The following RELL1 variants were observed in gnomAD, a reference collection of about 807,000 sequenced individuals.
RELL1 encodes the protein RELT-like protein 1.
Under a neutral mutation model 23.0 loss-of-function variants are expected in RELL1, and 10 were observed. The ratio of observed to expected loss-of-function variants is 0.43; its 90% CI spans 0.27 to 0.74. The LOEUF (loss-of-function observed/expected upper bound fraction) is 0.74, where lower values mean the gene tolerates loss of function less well. RELL1 is among the 30% of genes least tolerant of loss of function. The pLI, the probability that RELL1 is intolerant of heterozygous loss-of-function variation, is 0.19. For synonymous variants in RELL1, 146 were observed against 146.8 expected (o/e 0.99, Z 0.04); for missense variants, 315 against 364.4 (o/e 0.86, Z 1.10).
intron 1 of RELL1, among the ~76,000 whole-genome samples, chr4:37,678,572 A>G (rs1334530026): frequency 1.3e-5 from 2 of 152,194 alleles, no homozygotes; most frequent in Non-Finnish European, 2.9e-5. Flanking sequence ...CAGGAGCAAC[A>G]GGTGACAGGA....
chr4:37,600,717 G>C (rs1718992151), intron 6 of RELL1, among the ~76,000 whole-genome samples: 1 of 151,792 alleles, frequency 6.6e-6, no homozygotes, highest in African/African-American at 2.4e-5. Flanking sequence ...AGATTTGGGA[G>C]GGTTGATTGG....
downstream of RELL1, among the ~76,000 whole-genome samples, chr4:37,606,216 GAA>G (rs1029970822): frequency 2.7e-5 from 4 of 147,768 alleles, no homozygotes; most frequent in African/African-American, 9.7e-5. This position sits in a 1 kb window ranked among gnomAD's most constrained non-coding sequence, Gnocchi z 4.1. Context: ...AAGAAGGAAA[GAA>G]AGAAAAAGGA....
At chr4:37,600,518 T>C (rs1226746210) in intron 6 of RELL1, among the ~76,000 whole-genome samples, 1 of 152,210 alleles carries the variant, frequency 6.6e-6, no homozygotes, top group Non-Finnish European at 1.5e-5. Context: ...AGTGTATTTT[T>C]ATTCTCATTA....
downstream of RELL1, among the ~76,000 whole-genome samples, chr4:37,606,162 AAAG>A (rs1719214151): frequency 2.0e-5 from 3 of 150,318 alleles, no homozygotes; most frequent in Admixed American, 6.6e-5. The surrounding 1 kb of genome is among the most constrained non-coding windows in gnomAD (Gnocchi z 4.1). Flanking sequence ...GAAAGAAAAG[AAAG>A]AAAAAAAGGA....
intron 6 of RELL1, among the ~76,000 whole-genome samples, chr4:37,595,389 C>G (rs1322187405): frequency 2.6e-5 from 4 of 152,086 alleles, no homozygotes; most frequent in Non-Finnish European, 5.9e-5. Context: ...TTTTTTTCAA[C>G]TGAAATATCT....
chr4:37,597,593 A>G (rs2939730), intron 6 of RELL1, among the ~76,000 whole-genome samples: 119,181 of 151,746 alleles, frequency 0.79, 47,128 homozygotes, highest in Non-Finnish European at 0.82. Flanking sequence ...TCTACTCATC[A>G]GCCGACGTGC....
intron 1 of RELL1, among the ~76,000 whole-genome samples, chr4:37,668,517 G>C (rs55799730): frequency 0.62 from 93,618 of 151,466 alleles, 31,875 homozygotes; most frequent in East Asian, 0.8. Flanking sequence ...TTCACTCAGT[G>C]CTCAATGGTG....
chr4:37,590,758 G>C (rs760806460), downstream of RELL1: 1 of 1,613,932 alleles, frequency 6.2e-7, no homozygotes, highest in South Asian at 1.1e-5. Context: ...GCCCTTCTCT[G>C]TGAGGAGAAG....
chr4:37,686,113 G>T, intron 1 of RELL1, 87 bp downstream of exon 1: 1 of 1,129,300 alleles, frequency 8.9e-7, no homozygotes, highest in Non-Finnish European at 1.3e-6. Context: ...AGGACGCCGC[G>T]GGGCTGCCGT....
intron 1 of RELL1, among the ~76,000 whole-genome samples, chr4:37,659,574 G>T (rs1263380785): frequency 6.6e-6 from 1 of 151,996 alleles, no homozygotes; most frequent in Non-Finnish European, 1.5e-5. Flanking sequence ...TCTCAAAAGG[G>T]GTTTTTCTTC....
chr4:37,650,886 C>A (rs3860058), intron 1 of RELL1, among the ~76,000 whole-genome samples: 3,839 of 151,318 alleles, frequency 0.025, 204 homozygotes, highest in East Asian at 0.15. Flanking sequence ...TGGTGAAACC[C>A]CGTCTCCACT....
intron 3 of RELL1, among the ~76,000 whole-genome samples, chr4:37,639,344 A>C (rs1005824285): frequency 7.2e-6 from 1 of 139,832 alleles, no homozygotes; most frequent in Non-Finnish European, 1.5e-5. Flanking sequence ...ACATCACGCC[A>C]CTGCACTCCA....
chr4:37,663,708 C>A (rs1721434409), intron 1 of RELL1, among the ~76,000 whole-genome samples: 1 of 152,118 alleles, frequency 6.6e-6, no homozygotes, highest in Non-Finnish European at 1.5e-5. Context: ...CCAACCCAGA[C>A]AATGGAATCC....
chr4:37,649,081 T>C (rs1345470118), intron 2 of RELL1, among the ~76,000 whole-genome samples, 195 bp downstream of exon 2: 1 of 152,230 alleles, frequency 6.6e-6, no homozygotes, highest in Non-Finnish European at 1.5e-5. Context: ...GGGTGCCCTA[T>C]CTGGCAGGTA....
At chr4:37,652,835 G>A (rs1209010688) in intron 1 of RELL1, among the ~76,000 whole-genome samples, 1 of 152,124 alleles carries the variant, frequency 6.6e-6, no homozygotes, top group Non-Finnish European at 1.5e-5. Context: ...CTACATTAGT[G>A]AAGCATATAA....
rs1295287964 is a variant in RELL1 at position 37,612,925 on chromosome 4, AACAC to A, written c.*417_*420del. ...ATAGGATGCAGGAACTGGAAAAAGAAACACACACTCACGTGCACACATGCATACA... is the reference window on the plus strand; with the variant it reads ...ATAGGATGCAGGAACTGGAAAAAGAAACACTCACGTGCACACATGCATACA... On this transcript the variant is annotated 3_prime_UTR_variant, in exon 7 of 7. Transcript: ENST00000454158. The A allele has an allele frequency of 6.6e-6, 1 of 152,242 alleles. No homozygotes were observed. Among genetic ancestry groups the A allele is most frequent in the African/African-American group, 2.4e-5 (1 of 41,424 alleles). 9.4% of individuals were successfully genotyped at this position (152,242 alleles called of 1,614,324 possible).
In RELL1 at chr4:37,642,649, T is replaced by C. The variant is rs11930344; in HGVS notation, c.386-4145A>G. Among the ~76,000 whole-genome samples the C allele has an allele frequency of 4.9e-3, 751 of 152,270 alleles. 4 individuals are homozygous for C. Among genetic ancestry groups the C allele is most frequent in the African/African-American group, 0.017 (725 of 41,540 alleles). ...TGAGCACCTTTTGATCACACCTGGGTTTACACTAATGCGGTGACTTGGGGT... is the reference window on the plus strand; with the variant it reads ...TGAGCACCTTTTGATCACACCTGGGCTTACACTAATGCGGTGACTTGGGGT... On this transcript the variant is annotated intron_variant, in intron 3 of 6. Coordinates refer to ENST00000454158, the MANE Select transcript of RELL1 (RefSeq NM_001085400.2).
rs573212043 is a variant in RELL1, at chr4:37,591,186, C to T, written c.*35G>A. 1.0e-5 allele frequency: 6 copies of T among 573,920 alleles called. No individual in the cohort carries two copies. The Admixed American group carries it at 1.9e-4, about 18-fold the overall frequency. The allele number at this position is 573,920 out of a possible 1,614,324, so 35.6% of individuals were successfully genotyped here. Reference sequence around the variant, plus strand: ...GCTGCTTGTCACATATCTGGAGTTTCACTCTGTGTAGATGAGCTGTCATTC... The same window carrying T: ...GCTGCTTGTCACATATCTGGAGTTTTACTCTGTGTAGATGAGCTGTCATTC... On this transcript the variant is annotated 3_prime_UTR_variant, in exon 7 of 7. Coordinates refer to the RELL1 transcript ENST00000314117.
chr4:37,646,881 C>T (rs533130812), intron 3 of RELL1, among the ~76,000 whole-genome samples: 13 of 152,200 alleles, frequency 8.5e-5, no homozygotes, highest in Admixed American at 2.0e-4. Context: ...GAATGTGCCA[C>T]CATGCCTGGC....
Sources: gnomAD v4.1 joint callset for allele counts (sites outside exome capture counted in the v4.1 genomes callset) on GRCh38, gnomAD v4.1.1 for gene constraint, Gnocchi (gnomAD v3.1) non-coding constraint, MANE v1.5 for transcripts, NCBI Gene and HGNC (gene_info 2026-07-23, HGNC 2026-07-21) for gene names.